ARHGEF26: variants seen among roughly 807,000 people sequenced by gnomAD.
The protein encoded by ARHGEF26 is Rho guanine nucleotide exchange factor 26.
In ARHGEF26, 59 loss-of-function variants were observed where a neutral mutation model predicts 89.4. The observed-to-expected ratio is 0.66, with a 90% CI of 0.54 to 0.82. The LOEUF (loss-of-function observed/expected upper bound fraction) is 0.82, where lower values mean the gene tolerates loss of function less well. ARHGEF26 is among the 40% of genes least tolerant of loss of function. The pLI, the probability that ARHGEF26 is intolerant of heterozygous loss-of-function variation, is 0.00. For missense variants in ARHGEF26, 1,234 were observed against 1,085.6 expected (o/e 1.14, Z -1.92); for synonymous variants, 500 against 428.4 (o/e 1.17, Z -2.06).
At chr3:154,239,934 C>T (rs1717386764) in intron 11 of ARHGEF26, among the ~76,000 whole-genome samples, 1 of 151,648 alleles carries the variant, frequency 6.6e-6, no homozygotes, top group South Asian at 2.1e-4. Flanking sequence ...CTCTTCTCTT[C>T]AATGCATGGT....
intron 6 of ARHGEF26, among the ~76,000 whole-genome samples, chr3:154,165,764 T>A (rs1711979995): frequency 6.6e-6 from 1 of 152,216 alleles, no homozygotes; most frequent in East Asian, 1.9e-4. Flanking sequence ...AATAACTAAA[T>A]AATCTAAAAC....
At position 154,225,907 on chromosome 3, in the gene ARHGEF26, A is replaced by G; in HGVS notation, c.1987A>G (p.Thr663Ala). The G allele has an allele frequency of 6.2e-7, 1 of 1,611,046 alleles. No individual in the cohort carries two copies. Among genetic ancestry groups the G allele is most frequent in the Non-Finnish European group, 8.5e-7 (1 of 1,178,490 alleles). ...SRWLVKRGEL[T>A]AYVEDTVLFS... is the part of the protein sequence containing the mutation. ...GTGGTTGGTAAAAAGAGGTGAATTG[A>G]CAGCCTATGTTGAAGACACTGTGCT... Residue 663 changes from threonine (T) to alanine (A), a missense_variant, in exon 11 of 15, where the codon ACA (threonine) becomes GCA (alanine). Transcript: ENST00000465093.
intron 2 of ARHGEF26, among the ~76,000 whole-genome samples, chr3:154,123,564 A>T (rs912635904): frequency 6.6e-6 from 1 of 152,216 alleles, no homozygotes; most frequent in African/African-American, 2.4e-5. Context: ...TTGAGTGGTT[A>T]CTACGCACTT....
At chr3:154,129,987 C>G (rs1167661355) in intron 4 of ARHGEF26, among the ~76,000 whole-genome samples, 3 of 152,130 alleles carry the variant, frequency 2.0e-5, no homozygotes, top group Non-Finnish European at 4.4e-5. Flanking sequence ...TGCGAGATCT[C>G]TCTTTTTGTT....
intron 13 of ARHGEF26, among the ~76,000 whole-genome samples, 159 bp from the exon 14 acceptor site, chr3:154,254,561 A>G (rs1195522861): frequency 6.6e-6 from 1 of 152,210 alleles, no homozygotes; most frequent in African/African-American, 2.4e-5. Context: ...CAAGCAAGGG[A>G]GTTGCTAGAA....
At chr3:154,217,028 A>G (rs1715804711) in intron 9 of ARHGEF26, among the ~76,000 whole-genome samples, 1 of 147,162 alleles carries the variant, frequency 6.8e-6, no homozygotes, top group Admixed American at 6.9e-5. Flanking sequence ...AGCATGATTT[A>G]TAGTCCTTTG....
chr3:154,136,279 G>GTATTTTAATTTTAATTAAAATATTTTAAC (rs1718999719), intron 4 of ARHGEF26, among the ~76,000 whole-genome samples: 8 of 113,102 alleles, frequency 7.1e-5, no homozygotes, highest in Non-Finnish European at 1.1e-4. Flanking sequence ...AGTATTTTAA[G>GTATTTTAATTTTAATTAAAATATTTTAAC]TAAAGTATTT....
intron 4 of ARHGEF26, among the ~76,000 whole-genome samples, chr3:154,135,923 A>G (rs1387517091): frequency 6.6e-6 from 1 of 152,158 alleles, no homozygotes; most frequent in Non-Finnish European, 1.5e-5. Flanking sequence ...TTGCAACACC[A>G]GTGTTTGTTA....
intron 12 of ARHGEF26, among the ~76,000 whole-genome samples, chr3:154,251,091 C>G (rs189879839): frequency 2.0e-5 from 3 of 152,186 alleles, no homozygotes; most frequent in Admixed American, 6.5e-5. Flanking sequence ...TTTGAAAATG[C>G]CTGTCTTTCA....
intron 11 of ARHGEF26, among the ~76,000 whole-genome samples, chr3:154,234,964 G>C (rs111990123): frequency 7.2e-5 from 11 of 152,060 alleles, no homozygotes; most frequent in East Asian, 1.9e-4. Flanking sequence ...GGGTTTCACC[G>C]TGTTATCCAG....
intron 4 of ARHGEF26, among the ~76,000 whole-genome samples, chr3:154,144,194 T>G (rs1167662038): frequency 6.6e-6 from 1 of 152,140 alleles, no homozygotes; most frequent in East Asian, 1.9e-4. Flanking sequence ...CTCTGAAGTT[T>G]TAGAAGGCAG....
chr3:154,208,444 C>T (rs781382778), intron 9 of ARHGEF26, among the ~76,000 whole-genome samples: 10 of 152,026 alleles, frequency 6.6e-5, no homozygotes, highest in Non-Finnish European at 1.5e-4. Context: ...ATTTGCTTGG[C>T]GTTCTGTAAC....
intron 7 of ARHGEF26, among the ~76,000 whole-genome samples, chr3:154,190,193 A>G (rs1576757256): frequency 6.6e-6 from 1 of 152,176 alleles, no homozygotes; most frequent in Non-Finnish European, 1.5e-5. Context: ...TGGGGGGACA[A>G]GAGTGTCAGA....
chr3:154,247,924 A>G (rs149734018), intron 12 of ARHGEF26, among the ~76,000 whole-genome samples: 1 of 152,166 alleles, frequency 6.6e-6, no homozygotes, highest in Non-Finnish European at 1.5e-5. Flanking sequence ...ATGTTTTACC[A>G]CTGTCATTCT....
At chr3:154,217,134 A>G (rs1377178380) in intron 9 of ARHGEF26, among the ~76,000 whole-genome samples, 3 of 151,802 alleles carry the variant, frequency 2.0e-5, no homozygotes, top group Non-Finnish European at 2.9e-5. Flanking sequence ...TGGTTGAACT[A>G]GTTTACAGTC....
intron 11 of ARHGEF26, among the ~76,000 whole-genome samples, chr3:154,228,941 G>GT (rs1716665911): frequency 6.6e-6 from 1 of 152,152 alleles, no homozygotes; most frequent in South Asian, 2.1e-4. Context: ...GCTTCCAGTG[G>GT]TTTTCCTCTT....
intron 9 of ARHGEF26, among the ~76,000 whole-genome samples, chr3:154,206,915 A>T (rs533156714): frequency 6.6e-6 from 1 of 152,170 alleles, no homozygotes; most frequent in Non-Finnish European, 1.5e-5. Flanking sequence ...AAAAACTGAC[A>T]CAAAGACCAA....
At chr3:154,198,231 A>C (rs2108203009) in intron 9 of ARHGEF26, among the ~76,000 whole-genome samples, 1 of 152,244 alleles carries the variant, frequency 6.6e-6, no homozygotes, top group East Asian at 1.9e-4. Context: ...AAAATAGTAG[A>C]TGTTGGCATG....
intron 9 of ARHGEF26, among the ~76,000 whole-genome samples, chr3:154,215,369 T>C (rs1339157307): frequency 6.6e-6 from 1 of 152,014 alleles, no homozygotes; most frequent in Non-Finnish European, 1.5e-5. Flanking sequence ...TACTCACCTG[T>C]GTTTTTACTT....
Sources: allele counts gnomAD v4.1 joint callset (sites outside exome capture counted in the v4.1 genomes callset), GRCh38; gene constraint gnomAD v4.1.1; transcripts MANE v1.5; gene names NCBI Gene and HGNC (gene_info 2026-07-23, HGNC 2026-07-21).